Variants in FLYWCH1 observed in about 807,000 individuals in gnomAD.
The protein encoded by FLYWCH1 is FLYWCH-type zinc finger 1.
In FLYWCH1, 75 loss-of-function variants were observed where a neutral mutation model predicts 66.4. The ratio of observed to expected loss-of-function variants is 1.13; its 90% CI spans 0.94 to 1.37. FLYWCH1 has a LOEUF of 1.37. FLYWCH1 is among the 40% of genes most tolerant of loss of function. The pLI is 0.00. For missense variants in FLYWCH1, 1,334 were observed against 1,001.8 expected, an observed-to-expected ratio of 1.33 and a Z score of -4.48; for synonymous variants, 595 against 429.9, an observed-to-expected ratio of 1.38 and a Z score of -4.75.
chr16:2,925,137 T>G (rs1292752294), intron 2 of FLYWCH1, among the ~76,000 whole-genome samples: 2 of 152,212 alleles, frequency 1.3e-5, no homozygotes, highest in African/African-American at 4.8e-5. Flanking sequence ...CTGCATAGTC[T>G]GGGAGGCCTC....
chr16:2,923,110 A>T, intron 2 of FLYWCH1: 1 of 402,076 alleles, frequency 2.5e-6, no homozygotes, highest in South Asian at 2.0e-5. Flanking sequence ...GGCTGTTGTG[A>T]GGTTCTTTTT....
At chr16:2,917,808 C>T (rs895751519) in intron 2 of FLYWCH1, among the ~76,000 whole-genome samples, 3 of 149,542 alleles carry the variant, frequency 2.0e-5, no homozygotes, top group East Asian at 2.0e-4. Flanking sequence ...TCCCCTCCCC[C>T]GATCCTCTCC....
chr16:2,915,386 C>A (rs1423444974), intron 2 of FLYWCH1: 2 of 151,924 alleles, frequency 1.3e-5, no homozygotes, highest in Non-Finnish European at 2.9e-5. Context: ...CTACCAAGCC[C>A]AGCTAATTGT....
rs552251250 is a variant in FLYWCH1 at position 2,921,228 on chromosome 16, T to C, written c.-74+6939T>C. On this transcript the variant is annotated intron_variant, in intron 2 of 9. Coordinates refer to ENST00000253928, the MANE Select transcript of FLYWCH1 (RefSeq NM_001308068.2). ...TCTAAAGTCTACAATTCATTGCTTT[T>C]AATATATTCAGAAAGCTGTCCAAGT... Among the ~76,000 whole-genome samples the C allele has an allele frequency of 1.1e-4, 16 of 152,348 alleles. No individual in the cohort carries two copies. The East Asian group carries it at 1.5e-3, about 15-fold the overall frequency.
At chr16:2,940,670 C>G (rs1396942278) in intron 9 of FLYWCH1, among the ~76,000 whole-genome samples, 1 of 152,174 alleles carries the variant, frequency 6.6e-6, no homozygotes, top group Non-Finnish European at 1.5e-5. Flanking sequence ...CTTCTGACCT[C>G]AAATGATCCT....
intron 2 of FLYWCH1, chr16:2,922,343 T>C (rs2070403450): frequency 6.1e-6 from 1 of 163,040 alleles, no homozygotes; most frequent in African/African-American, 2.4e-5. Context: ...GAGCAGCTGC[T>C]CTCCCTGAGC....
At chr16:2,918,477 G>C (rs2070252784) in intron 2 of FLYWCH1, among the ~76,000 whole-genome samples, 1 of 145,914 alleles carries the variant, frequency 6.9e-6, no homozygotes, top group Non-Finnish European at 1.5e-5. Flanking sequence ...TTTTGCTCTT[G>C]TTGCCCAGGC....
At chr16:2,931,882 G>C (rs2070772631) in intron 4 of FLYWCH1, among the ~76,000 whole-genome samples, 1 of 152,130 alleles carries the variant, frequency 6.6e-6, no homozygotes, top group South Asian at 2.1e-4. Context: ...GGGAGGTCGA[G>C]GTGGGCGGAT....
intron 2 of FLYWCH1, chr16:2,922,937 T>C (rs2070426561): frequency 3.8e-6 from 2 of 524,326 alleles, no homozygotes; most frequent in Admixed American, 1.9e-5. Flanking sequence ...GGGGGCGCTC[T>C]TCCGAGGATA....
intron 8 of FLYWCH1, 25 bp downstream of exon 8, chr16:2,938,481 G>A: frequency 2.7e-6 from 4 of 1,505,118 alleles, no homozygotes; most frequent in Non-Finnish European, 3.5e-6. Context: ...TGGGGCAGAG[G>A]CAGGGCTGTG....
chr16:2,930,459 CCTGGTG>C lies in FLYWCH1; in HGVS notation c.380_385del (p.Val127_Leu128del). The C allele has an allele frequency of 6.6e-7, 1 of 1,504,454 alleles. No homozygotes were observed. The highest frequency in any genetic ancestry group is 8.9e-7 in the Non-Finnish European group (1 of 1,129,184). The allele number at this position is 1,504,454 out of a possible 1,614,324, so 93.2% of individuals were successfully genotyped here. On this transcript the variant is annotated inframe_deletion, in exon 4 of 10. Transcript: ENST00000253928. ...TGAGGACACCATTCGGGGGCCGCCT[CCTGGTG>C]CTGGAGTCCTTCCTGTACAAGCAGG...
At chr16:2,926,660 C>T (rs1596365925) in intron 2 of FLYWCH1, among the ~76,000 whole-genome samples, 1 of 152,314 alleles carries the variant, frequency 6.6e-6, no homozygotes, top group East Asian at 1.9e-4. Context: ...TTGCACGGTG[C>T]CGCTCCAAAA....
intron 2 of FLYWCH1, among the ~76,000 whole-genome samples, chr16:2,926,772 A>G (rs528599835): frequency 3.3e-5 from 5 of 152,346 alleles, no homozygotes; most frequent in Admixed American, 6.5e-5. Context: ...GTTGACTACA[A>G]TCAATTACAG....
intron 9 of FLYWCH1, among the ~76,000 whole-genome samples, chr16:2,947,544 T>C (rs765145072): frequency 6.6e-6 from 1 of 152,104 alleles, no homozygotes; most frequent in Non-Finnish European, 1.5e-5. Context: ...GTGGATCACC[T>C]GAGTTCAGGA....
chr16:2,916,808 C>G (rs2070183642), intron 2 of FLYWCH1, among the ~76,000 whole-genome samples: 1 of 151,674 alleles, frequency 6.6e-6, no homozygotes, highest in African/African-American at 2.4e-5. Flanking sequence ...CCCAAAATAC[C>G]CCTAAGGTTC....
At position 2,950,123 on chromosome 16, in the gene FLYWCH1, AC is replaced by A; in HGVS notation, c.*1397del. On this transcript the variant is annotated 3_prime_UTR_variant, in exon 10 of 10. Transcript: ENST00000253928. ...TCTGTTCTCGCCATTAGCCTGCGTT[AC>A]GCCTAGACTCATCTGCATAAGCCTG... The A allele has an allele frequency of 6.6e-6, 1 of 152,192 alleles. No homozygotes were observed. The highest frequency in any genetic ancestry group is 2.1e-4 in the South Asian group (1 of 4,830). The allele number at this position is 152,192 out of a possible 1,614,324, so 9.4% of individuals were successfully genotyped here.
Position 2,944,837 on chromosome 16 carries a change from T to G in FLYWCH1, c.2112-3851T>G, listed in dbSNP as rs11648275. Among the ~76,000 whole-genome samples, 185 of 95,362 alleles carry G rather than the reference T, an allele frequency of 1.9e-3. 3 individuals are homozygous for G. Among genetic ancestry groups the G allele is most frequent in the Non-Finnish European group, 4.4e-3 (157 of 35,750 alleles). The allele number at this position is 95,362 out of a possible 152,430, so 62.6% of individuals were successfully genotyped here. A position where few individuals can be genotyped will look rare whatever the true frequency, so the allele number is the denominator to read the frequency against. ...ACTCTGTATCAAAAAAAAAAAAAAA[T>G]TTTTTTTAACTGTAAAACGGCCTCA... On this transcript the variant is annotated intron_variant, in intron 9 of 9. Coordinates refer to ENST00000253928, the MANE Select transcript of FLYWCH1 (RefSeq NM_001308068.2).
intron 4 of FLYWCH1, 48 bp downstream of exon 4, chr16:2,930,928 C>G: frequency 7.0e-7 from 1 of 1,422,506 alleles, no homozygotes; most frequent in Non-Finnish European, 9.5e-7. Flanking sequence ...GCAGGGGACC[C>G]GAGGGCCCTT....
intron 4 of FLYWCH1, among the ~76,000 whole-genome samples, chr16:2,931,758 A>G (rs983920523): frequency 4.6e-5 from 7 of 152,100 alleles, no homozygotes; most frequent in Admixed American, 2.6e-4. Flanking sequence ...TCATGAGGTC[A>G]GGAGTTCAAG....
Sources: allele counts gnomAD v4.1 joint callset (sites outside exome capture counted in the v4.1 genomes callset), GRCh38; gene constraint gnomAD v4.1.1; transcripts MANE v1.5; gene names NCBI Gene and HGNC (gene_info 2026-07-23, HGNC 2026-07-21).